POU2F1: variants seen among roughly 807,000 people sequenced by gnomAD.
The protein encoded by POU2F1 is POU domain, class 2, transcription factor 1.
In POU2F1, 16 loss-of-function variants were observed where a neutral mutation model predicts 84.9. That is an observed-to-expected ratio of 0.19 (90% CI 0.13 to 0.29). The LOEUF is 0.29. Ranked by LOEUF, POU2F1 falls within the 10% of genes least tolerant of loss-of-function variation. The probability of loss-of-function intolerance (pLI) is 1.00; values close to 1 mark genes in which losing one functional copy is unlikely to be tolerated. For synonymous variants in POU2F1, 368 were observed against 368.3 expected, an observed-to-expected ratio of 1.00 and a Z score of 0.01; for missense variants, 738 against 942.6, an observed-to-expected ratio of 0.78 and a Z score of 2.84.
At chr1:167,309,582 T>A (rs957685316) in intron 1 of POU2F1, among the ~76,000 whole-genome samples, 26 of 152,196 alleles carry the variant, frequency 1.7e-4, no homozygotes, top group Admixed American at 3.3e-4. Context: ...AAAAGTTCAT[T>A]TTTTAATGAC....
chr1:167,320,225 C>T (rs879639777), intron 1 of POU2F1, among the ~76,000 whole-genome samples: 2 of 152,168 alleles, frequency 1.3e-5, no homozygotes, highest in Admixed American at 1.3e-4. Context: ...CATTAATAGG[C>T]ATATCAAAAG....
chr1:167,294,288 G>T (rs888269671), intron 1 of POU2F1, among the ~76,000 whole-genome samples: 3 of 151,636 alleles, frequency 2.0e-5, no homozygotes, highest in Admixed American at 1.3e-4. Flanking sequence ...GGCGGATCTT[G>T]CAGTGAGCCG....
At chr1:167,369,737 TTAAAA>T (rs1659889547) in intron 3 of POU2F1, among the ~76,000 whole-genome samples, 1 of 152,174 alleles carries the variant, frequency 6.6e-6, no homozygotes, top group Admixed American at 6.5e-5. Context: ...ACATTCAAAA[TTAAAA>T]TAAGTAGATG....
chr1:167,321,481 A>G (rs1015811736), intron 1 of POU2F1, among the ~76,000 whole-genome samples: 1 of 152,210 alleles, frequency 6.6e-6, no homozygotes, highest in Non-Finnish European at 1.5e-5. Flanking sequence ...AACTGAATTA[A>G]TGGCCCTAAG....
intron 1 of POU2F1, among the ~76,000 whole-genome samples, chr1:167,262,663 C>CA (rs1371298006): frequency 1.3e-5 from 2 of 152,092 alleles, no homozygotes; most frequent in Admixed American, 6.6e-5. Context: ...TGGTGAGTCA[C>CA]AAAGCCCCTG....
At chr1:167,374,842 C>T (rs1172652127) in intron 6 of POU2F1, among the ~76,000 whole-genome samples, 2 of 151,988 alleles carry the variant, frequency 1.3e-5, no homozygotes, top group East Asian at 1.9e-4. Context: ...CCGAGGCGGG[C>T]GGATCACTAG....
At chr1:167,333,589 C>A (rs1657222917) in intron 2 of POU2F1, among the ~76,000 whole-genome samples, 1 of 152,120 alleles carries the variant, frequency 6.6e-6, no homozygotes, top group African/African-American at 2.4e-5. Flanking sequence ...TCTCCTATAC[C>A]TGGAGATGCT....
At chr1:167,405,121 T>G (rs1295602875) in intron 13 of POU2F1, among the ~76,000 whole-genome samples, 1 of 152,164 alleles carries the variant, frequency 6.6e-6, no homozygotes, top group Non-Finnish European at 1.5e-5. Context: ...AGTGTTCCAT[T>G]GTGTCTCAAA....
chr1:167,412,371 G>A (rs530949310), intron 14 of POU2F1, 67 bp downstream of exon 14: 2 of 1,355,292 alleles, frequency 1.5e-6, no homozygotes, highest in Non-Finnish European at 2.0e-6. Context: ...TCACAGGGGA[G>A]ACTTTACATC....
chr1:167,223,435 G>T (rs1648384516), intron 1 of POU2F1, among the ~76,000 whole-genome samples: 2 of 151,412 alleles, frequency 1.3e-5, no homozygotes, highest in African/African-American at 4.9e-5. Flanking sequence ...TTTGTGTAGG[G>T]GTGTGTGTGA....
intron 1 of POU2F1, among the ~76,000 whole-genome samples, chr1:167,278,681 C>T (rs1652911509): frequency 6.6e-6 from 1 of 152,086 alleles, no homozygotes; most frequent in Admixed American, 6.6e-5. Context: ...TTTACCTGTC[C>T]TGACAAGTCT....
At chr1:167,393,243 A>G (rs1226339387) in intron 9 of POU2F1, among the ~76,000 whole-genome samples, 2 of 152,196 alleles carry the variant, frequency 1.3e-5, no homozygotes, top group African/African-American at 4.8e-5. Context: ...GAGTTGGATT[A>G]TCACGAAAGA....
chr1:167,401,680 T>C lies in POU2F1; in HGVS notation c.1555+124T>C, dbSNP rs1024336621. ...TAAAGATAGGTGTTGCTCATAAATA[T>C]CAATTTTCTTTAAAGTAACTCCTTT... On this transcript the variant is annotated intron_variant, in intron 13 of 15. Transcript: ENST00000367866. The C allele has an allele frequency of 5.7e-6, 3 of 526,238 alleles. No homozygotes were observed. In the East Asian group the frequency reaches 1.0e-4, roughly 18 times the overall value. The allele number at this position is 526,238 out of a possible 1,614,324, so 32.6% of individuals were successfully genotyped here. A position where few individuals can be genotyped will look rare whatever the true frequency, so the allele number is the denominator to read the frequency against.
Position 167,385,717 on chromosome 1 carries a change from G to A in POU2F1, c.813+1766G>A, listed in dbSNP as rs139046579. ...TGGAAAAAAATCTTTGTGTCCTTGGGTTAGGCAAGGATTTCTTAAATAGGA... is the reference window on the plus strand; with the variant it reads ...TGGAAAAAAATCTTTGTGTCCTTGGATTAGGCAAGGATTTCTTAAATAGGA... On this transcript the variant is annotated intron_variant, in intron 8 of 15. Coordinates refer to ENST00000367866, the MANE Select transcript of POU2F1 (RefSeq NM_002697.4). 1.9e-4 allele frequency among the ~76,000 whole-genome samples: 29 copies of A among 152,146 alleles called. No homozygotes were observed. In the East Asian group the frequency reaches 5.6e-3, roughly 29 times the overall value.
Position 167,415,486 on chromosome 1 carries a change from G to A in POU2F1, c.1991-14G>A, listed in dbSNP as rs373426270. 2.5e-6 allele frequency: 4 copies of A among 1,611,874 alleles called. No homozygotes were observed. The highest frequency in any genetic ancestry group is 1.1e-5 in the South Asian group (1 of 90,904). On this transcript the variant is annotated splice_polypyrimidine_tract_variant and intron_variant, in intron 15 of 15. Coordinates refer to ENST00000367866, the MANE Select transcript of POU2F1 (RefSeq NM_002697.4). ...TTTTCATTCCTGCCTGTTTTGGGGG[G>A]TTTTTGTCTGTAGCTCTTGCTTCTG...
At chr1:167,266,137 T>A (rs182515980) in intron 1 of POU2F1, among the ~76,000 whole-genome samples, 46 of 152,386 alleles carry the variant, frequency 3.0e-4, no homozygotes, top group African/African-American at 5.0e-4. Context: ...GCCATTTTTT[T>A]AAATTTATTT....
chr1:167,335,025 T>C (rs1448904759), intron 2 of POU2F1, among the ~76,000 whole-genome samples: 2 of 152,232 alleles, frequency 1.3e-5, no homozygotes, highest in Non-Finnish European at 2.9e-5. Flanking sequence ...AAGATTGTGT[T>C]GATACGTTAA....
intron 4 of POU2F1, 137 bp from the exon 5 acceptor site, chr1:167,371,780 A>G: frequency 1.7e-6 from 2 of 1,202,720 alleles, no homozygotes; most frequent in Admixed American, 2.2e-5. Context: ...GAAAATACAA[A>G]TAAAAGAAAG....
intron 9 of POU2F1, among the ~76,000 whole-genome samples, chr1:167,391,469 C>G (rs1418816669): frequency 1.3e-5 from 2 of 151,264 alleles, no homozygotes; most frequent in East Asian, 3.9e-4. Context: ...AATGCTCCAC[C>G]TGGCCTGGTA....
Sources: gnomAD v4.1 joint callset for allele counts (sites outside exome capture counted in the v4.1 genomes callset) on GRCh38, gnomAD v4.1.1 for gene constraint, MANE v1.5 for transcripts, NCBI Gene and HGNC (gene_info 2026-07-23, HGNC 2026-07-21) for gene names.